Variants in WBP1L observed in about 807,000 individuals in gnomAD.
WBP1L encodes the protein WW domain binding protein 1-like.
In WBP1L, 17 loss-of-function variants were observed where a neutral mutation model predicts 33.7. The observed-to-expected ratio is 0.50, with a 90% CI of 0.34 to 0.76. The LOEUF (loss-of-function observed/expected upper bound fraction) is 0.76. Ranked by LOEUF, WBP1L falls within the 30% of genes least tolerant of loss-of-function variation. The pLI is 0.01. For missense variants in WBP1L, 389 were observed against 469.4 expected (o/e 0.83, Z 1.58); for synonymous variants, 173 against 190.8 (o/e 0.91, Z 0.77).
At chr10:102,749,433 G>T (rs1165791507) in intron 1 of WBP1L, among the ~76,000 whole-genome samples, 1 of 151,486 alleles carries the variant, frequency 6.6e-6, no homozygotes, top group African/African-American at 2.4e-5. Context: ...ACCACACCTG[G>T]CCCTATATTT....
intron 1 of WBP1L, among the ~76,000 whole-genome samples, chr10:102,782,482 A>G (rs1475263985): frequency 6.6e-6 from 1 of 151,664 alleles, no homozygotes; most frequent in Non-Finnish European, 1.5e-5. Flanking sequence ...GGGCTATTTA[A>G]AAAAATGCTT....
intron 1 of WBP1L, among the ~76,000 whole-genome samples, chr10:102,750,527 CT>C (rs144399592): frequency 0.28 from 41,839 of 149,360 alleles, 6,033 homozygotes; most frequent in Admixed American, 0.3. Flanking sequence ...AGCATATTTT[CT>C]TTTTTTTTTT....
intron 2 of WBP1L, among the ~76,000 whole-genome samples, chr10:102,805,713 T>C (rs1035730339): frequency 3.3e-5 from 5 of 151,252 alleles, no homozygotes; most frequent in Non-Finnish European, 1.5e-5. Flanking sequence ...CTGGGCAACC[T>C]TGTGAGACCT....
chr10:102,810,527 T>TTCCA (rs1167091825), intron 3 of WBP1L, among the ~76,000 whole-genome samples: 1 of 90,312 alleles, frequency 1.1e-5, no homozygotes, highest in Non-Finnish European at 2.1e-5. Context: ...CCTTCCTTCC[T>TTCCA]TCCATCCATC....
At chr10:102,802,131 C>G (rs1243824020) in intron 2 of WBP1L, among the ~76,000 whole-genome samples, 1 of 125,828 alleles carries the variant, frequency 7.9e-6, no homozygotes, top group African/African-American at 3.1e-5. Context: ...TTCCTTCCTT[C>G]CTTCCTTCCT....
At chr10:102,776,195 G>C (rs1843259049) in intron 1 of WBP1L, 3 of 1,469,178 alleles carry the variant, frequency 2.0e-6, no homozygotes, top group Middle Eastern at 2.4e-4. Context: ...AGCCAGGCAG[G>C]GGGAGTAGCG....
rs993076635 is a variant in WBP1L, at chr10:102,815,680, A to G, written c.*2349A>G. ...CTTTTTTTATTTTTTAAGAATCCCA[A>G]ATAACTCACTGAAGTGTCTCAAAGG... is the stretch of plus-strand genomic sequence containing the variant. On this transcript the variant is annotated 3_prime_UTR_variant, in exon 4 of 4. Coordinates refer to ENST00000448841, the MANE Select transcript of WBP1L (RefSeq NM_001083913.2). 1 of 152,248 alleles carries G rather than the reference A, an allele frequency of 6.6e-6. No individual in the cohort carries two copies. Among genetic ancestry groups the G allele is most frequent in the South Asian group, 2.1e-4 (1 of 4,830 alleles). 9.4% of individuals were successfully genotyped at this position (152,248 alleles called of 1,614,324 possible).
At chr10:102,792,424 G>C (rs1843512462) in intron 1 of WBP1L, among the ~76,000 whole-genome samples, 1 of 152,152 alleles carries the variant, frequency 6.6e-6, no homozygotes, top group Non-Finnish European at 1.5e-5. Flanking sequence ...TCTTTAAAAT[G>C]CAAGTATGAT....
chr10:102,794,538 G>A (rs1242136865), intron 1 of WBP1L, among the ~76,000 whole-genome samples: 1 of 151,974 alleles, frequency 6.6e-6, no homozygotes, highest in Non-Finnish European at 1.5e-5. Context: ...CCAGACCTAG[G>A]GCCATTGAGT....
intron 1 of WBP1L, among the ~76,000 whole-genome samples, chr10:102,792,911 C>G (rs1311103524): frequency 6.6e-6 from 1 of 152,012 alleles, no homozygotes; most frequent in East Asian, 1.9e-4. Context: ...GACTTTTTAA[C>G]CGTACTGTCA....
intron 2 of WBP1L, 36 bp downstream of exon 2, chr10:102,798,131 G>C (rs779375324): frequency 6.3e-7 from 1 of 1,581,086 alleles, no homozygotes; most frequent in Non-Finnish European, 8.7e-7. Flanking sequence ...AGTATCCCAG[G>C]GTCCCAGTTA....
At chr10:102,802,769 T>C (rs1443918134) in intron 2 of WBP1L, among the ~76,000 whole-genome samples, 1 of 152,230 alleles carries the variant, frequency 6.6e-6, no homozygotes, top group African/African-American at 2.4e-5. Context: ...GTGCTGGGAT[T>C]ACAGGCATGA....
chr10:102,786,892 T>G (rs1169055780), intron 1 of WBP1L, among the ~76,000 whole-genome samples: 1 of 152,216 alleles, frequency 6.6e-6, no homozygotes, highest in East Asian at 1.9e-4. Flanking sequence ...CTTTACTCTT[T>G]AGGGTACTCT....
At chr10:102,753,373 G>A (rs117063927) in intron 1 of WBP1L, among the ~76,000 whole-genome samples, 1 of 152,324 alleles carries the variant, frequency 6.6e-6, no homozygotes, top group East Asian at 1.9e-4. Flanking sequence ...AAAACTGCAT[G>A]CTATGTGGAA....
At chr10:102,796,535 G>A (rs1843575881) in intron 1 of WBP1L, among the ~76,000 whole-genome samples, 1 of 152,202 alleles carries the variant, frequency 6.6e-6, no homozygotes, top group Admixed American at 6.5e-5. Flanking sequence ...GAGAGGAGGA[G>A]CCGACCATGT....
intron 1 of WBP1L, among the ~76,000 whole-genome samples, chr10:102,773,815 C>G (rs1352401518): frequency 6.6e-6 from 1 of 150,924 alleles, no homozygotes; most frequent in Non-Finnish European, 1.5e-5. Context: ...AGGAGGATCA[C>G]TTGAGCCTAG....
chr10:102,784,581 A>G (rs1454492071), intron 1 of WBP1L, among the ~76,000 whole-genome samples: 2 of 151,316 alleles, frequency 1.3e-5, no homozygotes, highest in African/African-American at 2.4e-5. Flanking sequence ...GCCCGCCACC[A>G]CACCCGGCTA....
In WBP1L at chr10:102,785,286, C is replaced by T. The variant is rs558365217; in HGVS notation, c.91-12707C>T. On this transcript the variant is annotated intron_variant, in intron 1 of 3. Coordinates refer to ENST00000448841, the MANE Select transcript of WBP1L (RefSeq NM_001083913.2). ...CACTGCAAGCTCCACCTCCCAGGTT[C>T]ATGCCATTCTCCTGCCTCAGCCTCC... Among the ~76,000 whole-genome samples, 198 of 150,532 alleles carry T rather than the reference C, an allele frequency of 1.3e-3. 5 individuals are homozygous for T. Among genetic ancestry groups the T allele is most frequent in the Non-Finnish European group, 1.4e-3 (93 of 67,846 alleles).
chr10:102,789,418 T>G (rs1468856687), intron 1 of WBP1L, among the ~76,000 whole-genome samples: 2 of 152,168 alleles, frequency 1.3e-5, no homozygotes, highest in Non-Finnish European at 2.9e-5. Flanking sequence ...TCTGCCCTGG[T>G]GTTTTTGCGT....
Sources: gnomAD v4.1 joint callset for allele counts (sites outside exome capture counted in the v4.1 genomes callset) on GRCh38, gnomAD v4.1.1 for gene constraint, MANE v1.5 for transcripts, NCBI Gene and HGNC (gene_info 2026-07-23, HGNC 2026-07-21) for gene names.